Variants in NEK11 observed in about 807,000 individuals in gnomAD.
The protein encoded by NEK11 is NIMA related kinase 11.
Under a neutral mutation model 80.7 loss-of-function variants are expected in NEK11, and 72 were observed. That is an observed-to-expected ratio of 0.89 (90% CI 0.74 to 1.08). NEK11 has a LOEUF of 1.08. Among genes scored for constraint, NEK11 ranks in the 50% least tolerant of loss-of-function variants. The pLI, the probability that NEK11 is intolerant of heterozygous loss-of-function variation, is 0.00. For synonymous variants in NEK11, 251 were observed against 260.7 expected (o/e 0.96, Z 0.36); for missense variants, 764 against 763.6 (o/e 1.00, Z -0.01).
Position 131,115,952 on chromosome 3 carries a change from T to TTCTTTCTTTCTTTC in NEK11, c.455+6033_455+6046dup, listed in dbSNP as rs2081073900. 1.3e-3 allele frequency among the ~76,000 whole-genome samples: 171 copies of TTCTTTCTTTCTTTC among 133,204 alleles called. 3 individuals carry two copies. The highest frequency in any genetic ancestry group is 1.8e-3 in the Non-Finnish European group (113 of 61,284). 87.4% of individuals were successfully genotyped at this position (133,204 alleles called of 152,430 possible). A position where few individuals can be genotyped will look rare whatever the true frequency, so the allele number is the denominator to read the frequency against. On this transcript the variant is annotated intron_variant, in intron 5 of 17. Coordinates refer to ENST00000383366, the MANE Select transcript of NEK11 (RefSeq NM_024800.5). ...TTTCTTTCTTTCTTTCTTTCTTTCT[T>TTCTTTCTTTCTTTC]TCTTTCTTTCTTTCTTTCTTTCTTT...
chr3:131,259,882 A>G (rs2095882454), intron 16 of NEK11, among the ~76,000 whole-genome samples: 1 of 152,094 alleles, frequency 6.6e-6, no homozygotes, highest in South Asian at 2.1e-4. Context: ...GTGCATCTCC[A>G]TTTCTGGGGT....
chr3:131,037,975 G>A (rs539628717), intron 3 of NEK11, among the ~76,000 whole-genome samples: 16 of 152,148 alleles, frequency 1.1e-4, no homozygotes, highest in South Asian at 6.2e-4. Flanking sequence ...GGTTTACGCC[G>A]TGGAGAGTTA....
At chr3:131,303,595 G>T (rs1293976615) in intron 17 of NEK11, among the ~76,000 whole-genome samples, 2 of 151,844 alleles carry the variant, frequency 1.3e-5, no homozygotes, top group East Asian at 3.9e-4. Context: ...TTGTGTTTTT[G>T]TTTTTTGTTT....
chr3:131,339,351 T>G (rs906391110), intron 17 of NEK11, among the ~76,000 whole-genome samples: 1 of 152,176 alleles, frequency 6.6e-6, no homozygotes, highest in Non-Finnish European at 1.5e-5. Context: ...TCCTTAGAAA[T>G]CAGTTAGTCT....
chr3:131,067,991 T>C (rs979616639), intron 3 of NEK11, among the ~76,000 whole-genome samples: 2 of 152,172 alleles, frequency 1.3e-5, no homozygotes, highest in African/African-American at 4.8e-5. Context: ...TGAGTTCCAG[T>C]GTTCTCATCT....
At chr3:131,154,444 G>A (rs553018012) in intron 9 of NEK11, among the ~76,000 whole-genome samples, 7 of 152,256 alleles carry the variant, frequency 4.6e-5, no homozygotes, top group Non-Finnish European at 8.8e-5. Flanking sequence ...CAGGTAACAA[G>A]ATATTAACAC....
chr3:131,168,904 C>G lies in NEK11; in HGVS notation c.1251C>G (p.Asp417Glu). ...PEGRLSCSPQDEDEERWQGRE... is the reference protein window; with the variant it reads ...PEGRLSCSPQEEDEERWQGRE... ...GAAGACTTTCTTGTTCACCCCAGGA[C>G]GAGGATGAAGAGAGGTGGCAAGGCA... Residue 417 changes from aspartate (D) to glutamate (E), a missense_variant, in exon 13 of 18, where the codon GAC (aspartate) becomes GAG (glutamate). Coordinates refer to ENST00000383366, the MANE Select transcript of NEK11 (RefSeq NM_024800.5). The G allele has an allele frequency of 6.2e-7, 1 of 1,613,694 alleles. No individual in the cohort carries two copies. Among genetic ancestry groups the G allele is most frequent in the Non-Finnish European group, 8.5e-7 (1 of 1,179,866 alleles).
chr3:131,219,809 C>T (rs1196108358), intron 14 of NEK11, among the ~76,000 whole-genome samples: 2 of 152,170 alleles, frequency 1.3e-5, no homozygotes, highest in Non-Finnish European at 2.9e-5. Flanking sequence ...ACATGCACAG[C>T]AGCTAGCAGA....
chr3:131,041,179 G>A (rs897767480), intron 3 of NEK11, among the ~76,000 whole-genome samples: 6 of 152,166 alleles, frequency 3.9e-5, no homozygotes, highest in Non-Finnish European at 5.9e-5. Context: ...ACATTTTGGT[G>A]CAAAGATTAT....
At chr3:131,183,227 T>C (rs2093444118) in intron 14 of NEK11, among the ~76,000 whole-genome samples, 1 of 152,144 alleles carries the variant, frequency 6.6e-6, no homozygotes, top group Non-Finnish European at 1.5e-5. Context: ...TTGAGGAGAG[T>C]AGGTCATTGC....
chr3:131,276,700 A>G (rs2108753209), intron 17 of NEK11, among the ~76,000 whole-genome samples: 1 of 152,214 alleles, frequency 6.6e-6, no homozygotes, highest in Admixed American at 6.5e-5. Flanking sequence ...TCAACCCTAA[A>G]TATTTAAATG....
intron 17 of NEK11, among the ~76,000 whole-genome samples, chr3:131,326,475 C>A (rs1037557951): frequency 2.6e-5 from 4 of 152,302 alleles, no homozygotes; most frequent in Admixed American, 6.5e-5. Context: ...GAGAGCTGGG[C>A]ATATCCTCTT....
chr3:131,158,029 C>T (rs1221390627), intron 10 of NEK11, among the ~76,000 whole-genome samples: 1 of 152,034 alleles, frequency 6.6e-6, no homozygotes, highest in Admixed American at 6.6e-5. Context: ...GGCTTTAGAC[C>T]CAGGGGAACT....
chr3:131,238,938 A>G (rs1433371565), intron 15 of NEK11, among the ~76,000 whole-genome samples: 1 of 152,088 alleles, frequency 6.6e-6, no homozygotes, highest in East Asian at 1.9e-4. Context: ...CATCATTAAT[A>G]ATTACATCAA....
At chr3:131,292,405 C>T (rs929481176) in intron 17 of NEK11, among the ~76,000 whole-genome samples, 5 of 152,248 alleles carry the variant, frequency 3.3e-5, no homozygotes, top group East Asian at 1.9e-4. Flanking sequence ...ACCTTTTTTA[C>T]CTCTCCATAT....
intron 17 of NEK11, among the ~76,000 whole-genome samples, chr3:131,294,487 A>G (rs1399523275): frequency 1.3e-5 from 2 of 151,340 alleles, no homozygotes; most frequent in African/African-American, 4.9e-5. Flanking sequence ...AATATGGTCT[A>G]TCTCGGTGAA....
intron 17 of NEK11, among the ~76,000 whole-genome samples, chr3:131,302,671 C>T (rs1285418471): frequency 6.6e-6 from 1 of 151,976 alleles, no homozygotes; most frequent in African/African-American, 2.4e-5. Flanking sequence ...TTAGAGATCT[C>T]CTTAGAGATT....
At chr3:131,041,384 AT>A (rs2066442437) in intron 3 of NEK11, among the ~76,000 whole-genome samples, 3 of 152,222 alleles carry the variant, frequency 2.0e-5, no homozygotes, top group Non-Finnish European at 4.4e-5. Flanking sequence ...GCAGTTGACT[AT>A]TGAACTTGCA....
intron 10 of NEK11, among the ~76,000 whole-genome samples, chr3:131,156,786 G>A (rs2090719771): frequency 6.6e-6 from 1 of 152,092 alleles, no homozygotes; most frequent in South Asian, 2.1e-4. Context: ...CATGTAAAGT[G>A]CTTACAAGCA....
Sources: gnomAD v4.1 joint callset for allele counts (sites outside exome capture counted in the v4.1 genomes callset) on GRCh38, gnomAD v4.1.1 for gene constraint, MANE v1.5 for transcripts, NCBI Gene and HGNC (gene_info 2026-07-23, HGNC 2026-07-21) for gene names.